Variants in DPY19L2 observed in about 807,000 individuals in gnomAD.
The protein encoded by DPY19L2 is dpy-19 like 2.
In DPY19L2, 34 loss-of-function variants were observed where a neutral mutation model predicts 97.9. The observed-to-expected ratio is 0.35, with a 90% CI of 0.26 to 0.46. The LOEUF (loss-of-function observed/expected upper bound fraction) is 0.46. Ranked by LOEUF, DPY19L2 falls within the 20% of genes least tolerant of loss-of-function variation. DPY19L2 has a pLI of 1.00. For synonymous variants in DPY19L2, 230 were observed against 307.9 expected, an observed-to-expected ratio of 0.75 and a Z score of 2.65; for missense variants, 623 against 911.4, an observed-to-expected ratio of 0.68 and a Z score of 4.07.
chr12:63,596,097 C>T, intron 14 of DPY19L2, 60 bp from the exon 15 acceptor site: 5 of 1,469,900 alleles, frequency 3.4e-6, no homozygotes, highest in South Asian at 1.4e-5. Flanking sequence ...AATTAGTAAA[C>T]ACCTATGTCA....
chr12:63,624,711 A>G (rs3857738), intron 7 of DPY19L2, among the ~76,000 whole-genome samples: 105,452 of 152,088 alleles, frequency 0.69, 37,122 homozygotes, highest in African/African-American at 0.8. Flanking sequence ...TGCAAGTAAT[A>G]AAGGTATTAA....
intron 6 of DPY19L2, among the ~76,000 whole-genome samples, chr12:63,633,538 G>A (rs1891094621): frequency 1.3e-5 from 2 of 152,116 alleles, no homozygotes; most frequent in African/African-American, 2.4e-5. Context: ...CAGTTAGAAT[G>A]GCGATCATTA....
At chr12:63,564,730 A>C (rs1468378000) in intron 21 of DPY19L2, among the ~76,000 whole-genome samples, 1 of 152,080 alleles carries the variant, frequency 6.6e-6, no homozygotes, top group African/African-American at 2.4e-5. Flanking sequence ...TATAAATGTC[A>C]ATTAGGTCAT....
chr12:63,576,114 C>G (rs745901651), intron 19 of DPY19L2, among the ~76,000 whole-genome samples: 10 of 151,918 alleles, frequency 6.6e-5, no homozygotes, highest in Non-Finnish European at 1.2e-4. Context: ...TAGGATTTAT[C>G]TCAGGGATGC....
intron 12 of DPY19L2, among the ~76,000 whole-genome samples, chr12:63,608,350 A>G (rs1261892194): frequency 1.3e-5 from 2 of 152,176 alleles, no homozygotes; most frequent in Non-Finnish European, 2.9e-5. Context: ...GCAAGGCTGT[A>G]TGGATATAGC....
At chr12:63,660,535 TATA>T (rs1368158554) in intron 4 of DPY19L2, among the ~76,000 whole-genome samples, 1 of 151,990 alleles carries the variant, frequency 6.6e-6, no homozygotes, top group Non-Finnish European at 1.5e-5. Flanking sequence ...TAACTGTATT[TATA>T]ATATTTTAAT....
At chr12:63,657,910 G>A (rs1407792613) in intron 4 of DPY19L2, among the ~76,000 whole-genome samples, 2 of 152,180 alleles carry the variant, frequency 1.3e-5, no homozygotes, top group Non-Finnish European at 2.9e-5. Context: ...TCTCAGTCAA[G>A]CAGTTCCTAT....
At position 63,656,465 on chromosome 12, in the gene DPY19L2, C is replaced by T. The variant is rs370719834; in HGVS notation, c.588+4879G>A. Among the ~76,000 whole-genome samples the T allele has an allele frequency of 1.6e-4, 25 of 152,188 alleles. No homozygotes were observed. In the East Asian group the frequency reaches 4.1e-3, roughly 25 times the overall value. ...AGTCTCTGTCTCATACTCTTTAATG[C>T]GTTTACATTTACCCCTAGGTTTGCA... On this transcript the variant is annotated intron_variant, in intron 4 of 21. Coordinates refer to ENST00000324472, the MANE Select transcript of DPY19L2 (RefSeq NM_173812.5).
intron 16 of DPY19L2, among the ~76,000 whole-genome samples, chr12:63,588,881 G>A (rs1290106198): frequency 2.0e-5 from 3 of 151,498 alleles, no homozygotes; most frequent in Non-Finnish European, 4.4e-5. Flanking sequence ...AGCCTACCGA[G>A]TAGCTGGGAC....
At chr12:63,576,804 A>C (rs1332726312) in intron 19 of DPY19L2, among the ~76,000 whole-genome samples, 1 of 152,094 alleles carries the variant, frequency 6.6e-6, no homozygotes, top group Non-Finnish European at 1.5e-5. Context: ...AAAAAATGGA[A>C]AGCTATTCCA....
chr12:63,657,092 G>T (rs1446801648), intron 4 of DPY19L2, among the ~76,000 whole-genome samples: 1 of 152,076 alleles, frequency 6.6e-6, no homozygotes, highest in Non-Finnish European at 1.5e-5. Flanking sequence ...TTTGCTGAAA[G>T]TTAGACATGT....
intron 11 of DPY19L2, among the ~76,000 whole-genome samples, chr12:63,611,755 A>G (rs1261619887): frequency 1.3e-5 from 2 of 152,090 alleles, no homozygotes; most frequent in Non-Finnish European, 2.9e-5. Context: ...GAACAAAAAT[A>G]AACATAGGCT....
At chr12:63,656,523 A>G (rs1296650976) in intron 4 of DPY19L2, among the ~76,000 whole-genome samples, 1 of 152,108 alleles carries the variant, frequency 6.6e-6, no homozygotes, top group Non-Finnish European at 1.5e-5. Context: ...CTATTCATTC[A>G]TGCATTTGTT....
intron 13 of DPY19L2, among the ~76,000 whole-genome samples, chr12:63,598,226 A>T (rs1884579727): frequency 6.6e-6 from 1 of 152,170 alleles, no homozygotes; most frequent in South Asian, 2.1e-4. Flanking sequence ...AGTTAATTAC[A>T]TTTTATAATA....
At chr12:63,591,731 A>G (rs566770887) in intron 16 of DPY19L2, among the ~76,000 whole-genome samples, 101 of 151,672 alleles carry the variant, frequency 6.7e-4, no homozygotes, top group African/African-American at 2.3e-3. Flanking sequence ...AAGTTAAAAA[A>G]GAAAGAAAAA....
intron 19 of DPY19L2, among the ~76,000 whole-genome samples, chr12:63,579,536 A>C (rs1217569749): frequency 6.6e-6 from 1 of 152,188 alleles, no homozygotes; most frequent in Non-Finnish European, 1.5e-5. Context: ...TAAGTTGCCA[A>C]ATGTAGGCTC....
chr12:63,668,497 C>A (rs1207915564), upstream of DPY19L2: 2 of 1,226,998 alleles, frequency 1.6e-6, no homozygotes, highest in East Asian at 2.6e-5. Flanking sequence ...ACGGACTTGT[C>A]CCCGCAGCCG....
chr12:63,569,271 A>T lies in DPY19L2; in HGVS notation c.2079T>A (p.His693Gln), dbSNP rs1249149131. 4.4e-6 allele frequency: 7 copies of T among 1,601,744 alleles called. No individual in the cohort carries two copies. Among genetic ancestry groups the T allele is most frequent in the Non-Finnish European group, 6.0e-6 (7 of 1,175,476 alleles). ...CCTCTTCTAAAACATAATAATTCACATGTAACTCCAACAATTTATCTCTTA... is the reference window on the plus strand; with the variant it reads ...CCTCTTCTAAAACATAATAATTCACTTGTAACTCCAACAATTTATCTCTTA... ...KEVRDKLLELHVNYYVLEEAW... is the reference protein window; with the variant it reads ...KEVRDKLLELQVNYYVLEEAW... The change falls in exon 21 of 22, where the codon CAT (histidine) becomes CAA (glutamine). Residue 693 changes from histidine to glutamine, a missense_variant. His to Gln is a conservative substitution (Grantham distance 24, BLOSUM62 0). Transcript: ENST00000324472.
At chr12:63,614,905 C>T (rs144583479) in intron 11 of DPY19L2, among the ~76,000 whole-genome samples, 3 of 152,062 alleles carry the variant, frequency 2.0e-5, no homozygotes, top group Non-Finnish European at 4.4e-5. Flanking sequence ...TCCCAGACTG[C>T]GGTCTTAAAA....
Sources: allele counts gnomAD v4.1 joint callset (sites outside exome capture counted in the v4.1 genomes callset), GRCh38; gene constraint gnomAD v4.1.1; transcripts MANE v1.5; gene names NCBI Gene and HGNC (gene_info 2026-07-23, HGNC 2026-07-21).